The following AASDH variants were observed in gnomAD, a reference collection of about 807,000 sequenced individuals.
AASDH encodes beta-alanine-activating enzyme.
In AASDH, 81 loss-of-function variants were observed where a neutral mutation model predicts 102.3. The observed-to-expected ratio is 0.79, with a 90% CI of 0.66 to 0.95. The LOEUF (loss-of-function observed/expected upper bound fraction) is 0.95, where lower values mean the gene tolerates loss of function less well. Ranked by LOEUF, AASDH falls within the 40% of genes least tolerant of loss-of-function variation. The probability of loss-of-function intolerance (pLI) is 0.00; values close to 1 mark genes in which losing one functional copy is unlikely to be tolerated. For missense variants in AASDH, 1,203 were observed against 1,266.2 expected (o/e 0.95, Z 0.76); for synonymous variants, 398 against 454.0 (o/e 0.88, Z 1.57).
chr4:56,354,173 T>C lies in AASDH; in HGVS notation c.1249A>G (p.Thr417Ala). The change falls in exon 8 of 15, where the codon ACA becomes GCA. Residue 417 changes from threonine to alanine, a missense_variant. Transcript: ENST00000205214. Reference sequence around the variant, plus strand: ...GCTCGCATTGTGCCAAGTGGTACTGTCACTTCATCATCAAGAAAACACACT... The same window carrying C: ...GCTCGCATTGTGCCAAGTGGTACTGCCACTTCATCATCAAGAAAACACACT... Reference protein sequence around the residue: ...NRVCFLDDEVTVPLGTMRATG... With the variant: ...NRVCFLDDEVAVPLGTMRATG... 1.3e-6 allele frequency: 2 copies of C among 1,599,128 alleles called. No individual in the cohort carries two copies. Among genetic ancestry groups the C allele is most frequent in the Middle Eastern group, 1.7e-4 (1 of 5,996 alleles).
intron 5 of AASDH, among the ~76,000 whole-genome samples, chr4:56,365,364 C>T (rs1312568196): frequency 1.6e-4 from 24 of 151,982 alleles, no homozygotes; most frequent in African/African-American, 2.4e-4. Flanking sequence ...CTGCACCAAG[C>T]GGACCTAACA....
Position 56,354,043 on chromosome 4 carries a change from T to G in AASDH, c.1379A>C (p.Gln460Pro). The G allele has an allele frequency of 6.2e-7, 1 of 1,608,504 alleles. No individual in the cohort carries two copies. The highest frequency in any genetic ancestry group is 8.5e-7 in the Non-Finnish European group (1 of 1,177,566). Residue 460 changes from glutamine (Q) to proline (P), a missense_variant, in exon 8 of 15, where the codon CAA (glutamine) becomes CCA (proline). Coordinates refer to ENST00000205214, the MANE Select transcript of AASDH (RefSeq NM_181806.4). ...HGKRLNIELV[Q>P]QVAEELQQVE... ...TCAATATTTAAATAGTTCTACCTGT[T>G]GCACAAGTTCAATGTTAAGACGTTT...
At chr4:56,342,581 C>G (rs1051332978) in intron 14 of AASDH, among the ~76,000 whole-genome samples, 8 of 151,938 alleles carry the variant, frequency 5.3e-5, no homozygotes, top group Non-Finnish European at 1.2e-4. Flanking sequence ...TCTTTTAAAT[C>G]TACTATGTCT....
At chr4:56,366,130 T>C (rs1750971714) in intron 5 of AASDH, among the ~76,000 whole-genome samples, 1 of 152,172 alleles carries the variant, frequency 6.6e-6, no homozygotes, top group Admixed American at 6.5e-5. Flanking sequence ...AAGAAATGGA[T>C]AAGTTCCTCA....
chr4:56,354,913 T>G (rs1749419515), intron 6 of AASDH, 102 bp from the exon 7 acceptor site: 1 of 976,902 alleles, frequency 1.0e-6, no homozygotes, highest in African/African-American at 1.7e-5. Flanking sequence ...AAAAAAAGTT[T>G]GTTACGCTCT....
chr4:56,366,327 T>A (rs1199377263), intron 5 of AASDH, among the ~76,000 whole-genome samples: 1 of 152,070 alleles, frequency 6.6e-6, no homozygotes, highest in Non-Finnish European at 1.5e-5. Context: ...CTCAAACTAT[T>A]CCAATCAACA....
chr4:56,362,944 G>A (rs761406100), intron 5 of AASDH, among the ~76,000 whole-genome samples: 20 of 152,208 alleles, frequency 1.3e-4, no homozygotes, highest in Admixed American at 5.2e-4. Flanking sequence ...CCTGGGAAGC[G>A]CCAAGGGGTC....
At chr4:56,350,159 T>A in intron 10 of AASDH, 101 bp from the exon 11 acceptor site, 1 of 1,058,788 alleles carries the variant, frequency 9.4e-7, no homozygotes, top group Non-Finnish European at 1.3e-6. Context: ...CCTACATTAA[T>A]AATTAGAAAT....
At chr4:56,348,723 G>A (rs761422973) in intron 11 of AASDH, among the ~76,000 whole-genome samples, 1 of 152,174 alleles carries the variant, frequency 6.6e-6, no homozygotes, top group Admixed American at 6.5e-5. Context: ...AGAGAGAGGC[G>A]TATGTGGCAA....
chr4:56,358,465 CA>C (rs1285704232), intron 5 of AASDH, among the ~76,000 whole-genome samples: 2 of 149,328 alleles, frequency 1.3e-5, no homozygotes, highest in Admixed American at 6.8e-5. Context: ...AGTATGGCGT[CA>C]TATTACCTGT....
In AASDH at chr4:56,353,491, T is replaced by C. The variant is rs557389945; in HGVS notation, c.1489A>G (p.Ile497Val). Residue 497 changes from isoleucine (I) to valine (V), a missense_variant, in exon 9 of 15, where the codon ATC (isoleucine) becomes GTC (valine). By Grantham distance (29) the Ile-to-Val change is conservative. Coordinates refer to ENST00000205214, the MANE Select transcript of AASDH (RefSeq NM_181806.4). ...AGATATTTCTGCAGTTCTTTAAAGA[T>C]GTATTCTTTTACTGAAGCATCTTTA... ...VSKDASVKEY[I>V]FKELQKYLPS... 1.2e-6 allele frequency: 2 copies of C among 1,613,896 alleles called. No homozygotes were observed. The highest frequency in any genetic ancestry group is 1.3e-5 in the African/African-American group (1 of 75,018).
chr4:56,351,039 G>A (rs1216719905), intron 10 of AASDH, among the ~76,000 whole-genome samples: 2 of 152,202 alleles, frequency 1.3e-5, no homozygotes, highest in African/African-American at 4.8e-5. Flanking sequence ...TCTGACAAGA[G>A]TGTTACTACA....
At position 56,349,873 on chromosome 4, in the gene AASDH, G is replaced by A. The variant is rs747374372; in HGVS notation, c.1878C>T (p.Ile626=). The part of the protein sequence containing the change: ...SSSILEIYNH[I]LQTVVPDEDV... ...CTTCATCTGGAACCACTGTTTGAAG[G>A]ATGTGATTATAAATCTCTAAAATGG... Residue 626 remains isoleucine (I), a synonymous_variant, in exon 11 of 15, where the codon ATC becomes ATT. Coordinates refer to ENST00000205214, the MANE Select transcript of AASDH (RefSeq NM_181806.4). The A allele has an allele frequency of 3.1e-6, 5 of 1,614,034 alleles. No individual in the cohort carries two copies. In the African/African-American group the frequency reaches 6.7e-5, roughly 22 times the overall value.
At chr4:56,367,018 C>T (rs2109953964) in intron 5 of AASDH, among the ~76,000 whole-genome samples, 1 of 152,192 alleles carries the variant, frequency 6.6e-6, no homozygotes, top group East Asian at 1.9e-4. Context: ...GCAACTTCAG[C>T]AAAGTCTCAG....
chr4:56,367,178 T>A (rs1236156018), intron 5 of AASDH, among the ~76,000 whole-genome samples: 1 of 152,038 alleles, frequency 6.6e-6, no homozygotes, highest in Non-Finnish European at 1.5e-5. Context: ...AAGGAACTCT[T>A]CAAGGAGAAC....
At chr4:56,368,734 G>C (rs1322917694) in intron 5 of AASDH, among the ~76,000 whole-genome samples, 2 of 113,888 alleles carry the variant, frequency 1.8e-5, no homozygotes, top group African/African-American at 6.5e-5. Flanking sequence ...TGGGGGGAGG[G>C]GGGAGGGATA....
chr4:56,362,533 G>C (rs1440697407), intron 5 of AASDH, among the ~76,000 whole-genome samples: 1 of 152,140 alleles, frequency 6.6e-6, no homozygotes, highest in East Asian at 1.9e-4. Flanking sequence ...TCAAAGTGCT[G>C]GGATTACAGG....
chr4:56,354,623 G>C (rs1229814280), intron 7 of AASDH, 82 bp downstream of exon 7: 5 of 1,046,348 alleles, frequency 4.8e-6, no homozygotes, highest in East Asian at 2.4e-5. Flanking sequence ...ATAGACAAAA[G>C]AAAAAGACGA....
chr4:56,356,149 G>A, intron 5 of AASDH: 3 of 672,426 alleles, frequency 4.5e-6, no homozygotes, highest in Non-Finnish European at 8.0e-6. Flanking sequence ...CAAAAGGAAA[G>A]GCCAAGGGAA....
Sources: allele counts gnomAD v4.1 joint callset (sites outside exome capture counted in the v4.1 genomes callset), GRCh38; gene constraint gnomAD v4.1.1; transcripts MANE v1.5; gene names NCBI Gene and HGNC (gene_info 2026-07-23, HGNC 2026-07-21).